The following HEPH variants were observed in gnomAD, a reference collection of about 807,000 sequenced individuals.
HEPH encodes hephaestin.
A neutral mutation model predicts 80.8 loss-of-function variants in HEPH; 69 were observed. The ratio of observed to expected loss-of-function variants is 0.85; its 90% CI spans 0.70 to 1.04. The LOEUF is 1.04. HEPH is among the 50% of genes least tolerant of loss of function. HEPH has a pLI of 0.00. For missense variants in HEPH, 1,115 were observed against 891.3 expected (o/e 1.25, Z -3.20); for synonymous variants, 431 against 322.8 (o/e 1.34, Z -3.60).
At chrX:66,210,107 G>A (rs759430074) in intron 15 of HEPH, among the ~76,000 whole-genome samples, 16 of 111,365 alleles carry the variant, frequency 1.4e-4, no homozygotes, top group Non-Finnish European at 2.3e-4. Context: ...GGGAGGTACC[G>A]ATTGAAATGT....
intron 5 of HEPH, among the ~76,000 whole-genome samples, chrX:66,189,350 C>G (rs1429617653): frequency 1.8e-5 from 2 of 112,398 alleles, no homozygotes; most frequent in African/African-American, 3.2e-5. Context: ...AAAGAATAGC[C>G]TGCAAAATAA....
chrX:66,246,544 C>A (rs2090815470), intron 15 of HEPH, among the ~76,000 whole-genome samples: 1 of 110,880 alleles, frequency 9.0e-6, no homozygotes, highest in Non-Finnish European at 1.9e-5. Flanking sequence ...GTTTCCCCTG[C>A]AAAGCATCCA....
intron 15 of HEPH, among the ~76,000 whole-genome samples, chrX:66,241,989 A>G (rs2090607215): frequency 9.1e-6 from 1 of 110,208 alleles, no homozygotes; most frequent in Non-Finnish European, 1.9e-5. Context: ...CACTAAGGAC[A>G]TTCTTCACAG....
At chrX:66,229,002 C>G (rs2090009246) in intron 15 of HEPH, among the ~76,000 whole-genome samples, 1 of 112,259 alleles carries the variant, frequency 8.9e-6, no homozygotes, top group Admixed American at 9.4e-5. Flanking sequence ...GTAGAACTAC[C>G]ATTTGATCCA....
At chrX:66,214,695 C>T (rs931289984) in intron 15 of HEPH, among the ~76,000 whole-genome samples, 23 of 106,343 alleles carry the variant, frequency 2.2e-4, no homozygotes, top group Non-Finnish European at 3.8e-4. Context: ...AGCTATAGAT[C>T]CATTTTTAAT....
intron 20 of HEPH, among the ~76,000 whole-genome samples, chrX:66,264,795 T>TTA (rs1485287737): frequency 1.4e-4 from 15 of 105,394 alleles, no homozygotes; most frequent in East Asian, 8.6e-4. Flanking sequence ...CTAAATTATT[T>TTA]TATATATATA....
chrX:66,218,531 G>T (rs1307038842), intron 15 of HEPH, among the ~76,000 whole-genome samples: 2 of 111,585 alleles, frequency 1.8e-5, no homozygotes, highest in Non-Finnish European at 3.8e-5. Flanking sequence ...GAAACCTCTG[G>T]GATACAATAG....
intron 19 of HEPH, among the ~76,000 whole-genome samples, chrX:66,261,427 G>T (rs1350781370): frequency 2.7e-5 from 3 of 111,312 alleles, no homozygotes; most frequent in Admixed American, 9.6e-5. Flanking sequence ...AGTAATTAAA[G>T]GGTCAAATGT....
chrX:66,172,185 T>A (rs1214474475), intron 2 of HEPH, among the ~76,000 whole-genome samples, 170 bp from the exon 3 acceptor site: 1 of 112,428 alleles, frequency 8.9e-6, no homozygotes, highest in Non-Finnish European at 1.9e-5. Context: ...ATATTTGAAA[T>A]TTTTAATAGT....
intron 6 of HEPH, among the ~76,000 whole-genome samples, chrX:66,191,267 T>G (rs2087773624): frequency 8.9e-6 from 1 of 112,041 alleles, no homozygotes; most frequent in East Asian, 2.8e-4. Context: ...AAAAGTCTAT[T>G]TCATACAATG....
intron 15 of HEPH, among the ~76,000 whole-genome samples, chrX:66,238,246 C>A (rs57946092): frequency 3.3e-3 from 362 of 111,160 alleles, no homozygotes; most frequent in African/African-American, 0.011. Context: ...TCTGGAGTGG[C>A]TGGTAATGGT....
At chrX:66,162,671 G>T, upstream of HEPH, 1 of 1,109,543 alleles carries the variant, frequency 9.0e-7, no homozygotes, top group Non-Finnish European at 1.2e-6. Context: ...GGTCTGAGTT[G>T]CAGTCCATGG....
At chrX:66,166,341 G>GCC (rs2086363209) in intron 1 of HEPH, among the ~76,000 whole-genome samples, 1 of 110,614 alleles carries the variant, frequency 9.0e-6, no homozygotes, top group Non-Finnish European at 1.9e-5. Context: ...TTACAGGCAT[G>GCC]CACCACCATG....
chrX:66,168,527 A>T (rs1270159251), intron 1 of HEPH, among the ~76,000 whole-genome samples: 1 of 111,997 alleles, frequency 8.9e-6, no homozygotes, highest in Non-Finnish European at 1.9e-5. Flanking sequence ...ACCCCAAAAC[A>T]GATCCTCTCT....
At chrX:66,169,343 G>A (rs2086492711) in intron 1 of HEPH, among the ~76,000 whole-genome samples, 1 of 112,000 alleles carries the variant, frequency 8.9e-6, no homozygotes, top group Non-Finnish European at 1.9e-5. Flanking sequence ...ATGGAAGTGT[G>A]TGCATCTCTG....
At chrX:66,264,441 G>A (rs1326828403) in intron 20 of HEPH, among the ~76,000 whole-genome samples, 1 of 108,859 alleles carries the variant, frequency 9.2e-6, no homozygotes, top group Non-Finnish European at 1.9e-5. Context: ...TTCATCTATG[G>A]AATACCAAGG....
chrX:66,247,640 A>G (rs1241300961), intron 15 of HEPH, among the ~76,000 whole-genome samples: 3 of 111,484 alleles, frequency 2.7e-5, no homozygotes, highest in Non-Finnish European at 5.6e-5. Context: ...TAATTACATC[A>G]GTGATATAGT....
intron 17 of HEPH, among the ~76,000 whole-genome samples, chrX:66,258,448 G>C (rs1255443019): frequency 8.9e-6 from 1 of 111,855 alleles, no homozygotes; most frequent in Non-Finnish European, 1.9e-5. Flanking sequence ...ACCATTTGAG[G>C]GATGGTGAAG....
At chrX:66,226,644 T>G (rs1256736232) in intron 15 of HEPH, among the ~76,000 whole-genome samples, 5 of 111,573 alleles carry the variant, frequency 4.5e-5, no homozygotes, top group Non-Finnish European at 9.4e-5. Flanking sequence ...AAAAGATCAC[T>G]CAAGGCTACT....
Sources: gnomAD v4.1 joint callset for allele counts (sites outside exome capture counted in the v4.1 genomes callset) on GRCh38, gnomAD v4.1.1 for gene constraint, MANE v1.5 for transcripts, NCBI Gene and HGNC (gene_info 2026-07-23, HGNC 2026-07-21) for gene names.